GFPT1: variants seen among roughly 807,000 people sequenced by gnomAD.
GFPT1 encodes glutamine--fructose-6-phosphate aminotransferase [isomerizing] 1.
In GFPT1, 40 loss-of-function variants were observed where a neutral mutation model predicts 92.0. The ratio of observed to expected loss-of-function variants is 0.43; its 90% CI spans 0.34 to 0.57. GFPT1 has a LOEUF of 0.57. Among genes scored for constraint, GFPT1 ranks in the 20% least tolerant of loss-of-function variants. GFPT1 has a pLI of 0.02. For synonymous variants in GFPT1, 269 were observed against 280.6 expected (o/e 0.96, Z 0.41); for missense variants, 448 against 869.1 (o/e 0.52, Z 6.09).
intron 10 of GFPT1, 65 bp from the exon 11 acceptor site, chr2:69,348,399 C>A: frequency 7.9e-7 from 1 of 1,268,362 alleles, no homozygotes; most frequent in East Asian, 2.3e-5. Context: ...ATGAAACTAT[C>A]ATTTGGATAC....
chr2:69,368,536 T>C (rs557984521), intron 3 of GFPT1, among the ~76,000 whole-genome samples: 1 of 152,300 alleles, frequency 6.6e-6, no homozygotes, highest in East Asian at 1.9e-4. Context: ...AAGACCAGCC[T>C]GGCCAATATG....
intron 3 of GFPT1, among the ~76,000 whole-genome samples, chr2:69,368,940 C>A (rs1211612993): frequency 6.6e-6 from 1 of 152,140 alleles, no homozygotes; most frequent in Non-Finnish European, 1.5e-5. Context: ...AAGGTCCTCC[C>A]TTCACATCTT....
intron 11 of GFPT1, among the ~76,000 whole-genome samples, chr2:69,346,395 C>T (rs1397731062): frequency 6.6e-5 from 10 of 152,132 alleles, no homozygotes; most frequent in East Asian, 1.9e-4. Context: ...TGTGCTACCA[C>T]GCCCGGCTAA....
intron 3 of GFPT1, among the ~76,000 whole-genome samples, chr2:69,367,624 G>C (rs754035707): frequency 6.6e-6 from 1 of 152,148 alleles, no homozygotes; most frequent in Non-Finnish European, 1.5e-5. Flanking sequence ...GCCTCCCAAA[G>C]TGCCAGGATT....
intron 3 of GFPT1, among the ~76,000 whole-genome samples, chr2:69,364,994 CAAAAA>C (rs58848043): frequency 9.1e-5 from 4 of 44,162 alleles, no homozygotes; most frequent in Non-Finnish European, 1.2e-4. Flanking sequence ...GACTCCCTCT[CAAAAA>C]AAAAAAAAAA....
At chr2:69,362,199 G>A (rs1671491654) in intron 4 of GFPT1, among the ~76,000 whole-genome samples, 1 of 152,168 alleles carries the variant, frequency 6.6e-6, no homozygotes, top group Non-Finnish European at 1.5e-5. Context: ...GGGCAATCAT[G>A]GCTCACTGCA....
chr2:69,324,175 A>G lies in GFPT1; in HGVS notation c.*2014T>C, dbSNP rs949025783. The G allele has an allele frequency of 1.3e-4, 20 of 152,230 alleles. No individual in the cohort carries two copies. Among genetic ancestry groups the G allele is most frequent in the African/African-American group, 4.8e-4 (20 of 41,450 alleles). 9.4% of individuals were successfully genotyped at this position (152,230 alleles called of 1,614,324 possible). ...GATTTTGGTTTTTGATATTCAGTTT[A>G]GAACTTACCCTAGCTTTCAGTATAT... On this transcript the variant is annotated 3_prime_UTR_variant, in exon 20 of 20. Coordinates refer to ENST00000357308, the MANE Select transcript of GFPT1 (RefSeq NM_001244710.2).
intron 1 of GFPT1, among the ~76,000 whole-genome samples, chr2:69,380,263 G>A (rs1330350564): frequency 6.6e-6 from 1 of 152,168 alleles, no homozygotes; most frequent in Non-Finnish European, 1.5e-5. Context: ...CTTGAGCCCA[G>A]GAGGTGGGGC....
chr2:69,330,759 C>T (rs896373957), intron 15 of GFPT1, among the ~76,000 whole-genome samples: 2 of 151,934 alleles, frequency 1.3e-5, no homozygotes, highest in Non-Finnish European at 2.9e-5. Context: ...TTAGCAGGTA[C>T]AATTTTATAA....
chr2:69,379,866 T>C (rs1054007976), intron 1 of GFPT1, among the ~76,000 whole-genome samples: 3 of 151,966 alleles, frequency 2.0e-5, no homozygotes, highest in African/African-American at 7.2e-5. Context: ...ATTACAGACG[T>C]AAGCTACCAC....
At chr2:69,333,637 T>G (rs951479338) in intron 15 of GFPT1, among the ~76,000 whole-genome samples, 1 of 152,192 alleles carries the variant, frequency 6.6e-6, no homozygotes, top group Non-Finnish European at 1.5e-5. Flanking sequence ...AAGTCAGCAC[T>G]GTGGTGAAAT....
chr2:69,326,100 G>T lies in GFPT1; in HGVS notation c.*89C>A, dbSNP rs775976340. 7 of 805,938 alleles carry T rather than the reference G, an allele frequency of 8.7e-6. No individual in the cohort carries two copies. The highest frequency in any genetic ancestry group is 1.5e-5 in the Non-Finnish European group (7 of 472,846). 49.9% of individuals were successfully genotyped at this position (805,938 alleles called of 1,614,324 possible). A position where few individuals can be genotyped will look rare whatever the true frequency, so the allele number is the denominator to read the frequency against. On this transcript the variant is annotated 3_prime_UTR_variant, in exon 20 of 20. Coordinates refer to ENST00000357308, the MANE Select transcript of GFPT1 (RefSeq NM_001244710.2). ...AGGATTTACTAAAAAAAGGCTTCAA[G>T]GGGTGATATTTTAAATCAAGGTTTT...
At chr2:69,377,827 G>T (rs908060462) in intron 1 of GFPT1, among the ~76,000 whole-genome samples, 1 of 152,154 alleles carries the variant, frequency 6.6e-6, no homozygotes, top group African/African-American at 2.4e-5. Flanking sequence ...CCACCTGCGG[G>T]GATACCGGGT....
chr2:69,386,804 TCTC>T (rs1672139036), intron 1 of GFPT1, among the ~76,000 whole-genome samples: 1 of 152,118 alleles, frequency 6.6e-6, no homozygotes, highest in African/African-American at 2.4e-5. Context: ...TTCGGTTCCT[TCTC>T]CGCGCCAAGG....
intron 7 of GFPT1, 144 bp downstream of exon 7, chr2:69,356,352 A>T: frequency 1.4e-6 from 1 of 728,058 alleles, no homozygotes; most frequent in South Asian, 1.5e-5. Context: ...ACAGACAAGA[A>T]GGAAGATGTG....
At position 69,363,869 on chromosome 2, in the gene GFPT1, C is replaced by T. The variant is rs189513089; in HGVS notation, c.224-199G>A. 5.4e-3 allele frequency among the ~76,000 whole-genome samples: 829 copies of T among 152,310 alleles called. 5 individuals are homozygous for T. The highest frequency in any genetic ancestry group is 0.019 in the African/African-American group (795 of 41,562). ...GTGGCTCACGCCCGTAATCCCAGCACTGTGGGAGGCCGAGGCAGGTGGATC... is the reference window on the plus strand; with the variant it reads ...GTGGCTCACGCCCGTAATCCCAGCATTGTGGGAGGCCGAGGCAGGTGGATC... On this transcript the variant is annotated intron_variant, in intron 3 of 19. Transcript: ENST00000357308.
intron 1 of GFPT1, among the ~76,000 whole-genome samples, chr2:69,384,693 C>CAAAA (rs71964630): frequency 1.0e-3 from 107 of 106,454 alleles, no homozygotes; most frequent in East Asian, 1.4e-3. Context: ...GGCCCCGTCA[C>CAAAA]AAAAAAAAAA....
At chr2:69,349,772 T>A (rs1671163230) in intron 10 of GFPT1, among the ~76,000 whole-genome samples, 1 of 151,962 alleles carries the variant, frequency 6.6e-6, no homozygotes, top group Admixed American at 6.6e-5. Flanking sequence ...CAATCTAGAA[T>A]CTCCTCCCTT....
intron 13 of GFPT1, among the ~76,000 whole-genome samples, chr2:69,340,624 A>C (rs1182530106): frequency 6.6e-6 from 1 of 152,074 alleles, no homozygotes; most frequent in South Asian, 2.1e-4. Flanking sequence ...GAGTGTAGTC[A>C]GTTATTCAGG....
Sources: gnomAD v4.1 joint callset for allele counts (sites outside exome capture counted in the v4.1 genomes callset) on GRCh38, gnomAD v4.1.1 for gene constraint, MANE v1.5 for transcripts, NCBI Gene and HGNC (gene_info 2026-07-23, HGNC 2026-07-21) for gene names.